TMPRSS9: variants seen among roughly 807,000 people sequenced by gnomAD.
The protein encoded by TMPRSS9 is transmembrane protease serine 9.
TMPRSS9 carries 113 observed loss-of-function variants against 111.4 expected under a neutral mutation model. That is an observed-to-expected ratio of 1.01 (90% CI 0.87 to 1.19). TMPRSS9 has a LOEUF of 1.19. Ranked by LOEUF, TMPRSS9 falls within the 50% of genes most tolerant of loss-of-function variation. TMPRSS9 has a pLI of 0.00. For missense variants in TMPRSS9, 1,803 were observed against 1,513.1 expected (o/e 1.19, Z -3.18); for synonymous variants, 805 against 659.1 (o/e 1.22, Z -3.39).
intron 14 of TMPRSS9, among the ~76,000 whole-genome samples, chr19:2,423,711 C>A (rs1424994936): frequency 2.0e-5 from 3 of 152,044 alleles, no homozygotes; most frequent in African/African-American, 7.2e-5. Flanking sequence ...ATCAGGGATC[C>A]AGGCAGAGGG....
chr19:2,389,101 G>T (rs956460592), upstream of TMPRSS9, among the ~76,000 whole-genome samples: 1 of 146,718 alleles, frequency 6.8e-6, no homozygotes, highest in Admixed American at 6.9e-5. Flanking sequence ...TTGAGATGGC[G>T]TCTTGCTCTG....
upstream of TMPRSS9, chr19:2,389,731 C>T (rs1040844863): frequency 1.1e-5 from 17 of 1,565,430 alleles, no homozygotes; most frequent in African/African-American, 8.1e-5. Flanking sequence ...CCTCTGACCC[C>T]GTGTTTCTGT....
Position 2,363,720 on chromosome 19 carries a change from G to C in TMPRSS9, c.-26+3360G>C, listed in dbSNP as rs543930174. Among the ~76,000 whole-genome samples, 5 of 151,728 alleles carry C rather than the reference G, an allele frequency of 3.3e-5. No individual in the cohort carries two copies. The East Asian group carries it at 7.8e-4, about 24-fold the overall frequency. On this transcript the variant is annotated intron_variant, in intron 1 of 17. Transcript: ENST00000649857. ...GGCTTAGCTGGGGAGCAGGGTTCTC[G>C]GGGAGCATAACAGGGAAGCTGCCCA...
chr19:2,393,811 T>C (rs1010611637), intron 1 of TMPRSS9, among the ~76,000 whole-genome samples: 1 of 147,196 alleles, frequency 6.8e-6, no homozygotes, highest in Admixed American at 7.0e-5. Flanking sequence ...GGTTGGAGAA[T>C]TGCTTGAACC....
chr19:2,368,946 G>A (rs1164825588), intron 1 of TMPRSS9, among the ~76,000 whole-genome samples: 2 of 143,042 alleles, frequency 1.4e-5, no homozygotes, highest in African/African-American at 2.5e-5. Context: ...CACCATGCCC[G>A]GCTAATTCTT....
At chr19:2,389,710 A>G, upstream of TMPRSS9, 9 of 1,513,514 alleles carry the variant, frequency 5.9e-6, no homozygotes, top group South Asian at 1.2e-5. Context: ...TGGGAAGAGA[A>G]GCACCTTCAG....
chr19:2,390,329 A>G (rs113652500), intron 1 of TMPRSS9, among the ~76,000 whole-genome samples: 7,000 of 123,144 alleles, frequency 0.057, 543 homozygotes, highest in African/African-American at 0.19. Context: ...TGCAAGCTCC[A>G]CCTCCCGGGT....
chr19:2,365,546 G>A (rs1351437434), intron 1 of TMPRSS9, among the ~76,000 whole-genome samples: 2 of 152,120 alleles, frequency 1.3e-5, no homozygotes, highest in African/African-American at 2.4e-5. Context: ...CCAAAGATGC[G>A]GAATCGAATG....
chr19:2,365,168 C>G (rs187464037), intron 1 of TMPRSS9, among the ~76,000 whole-genome samples: 83 of 152,146 alleles, frequency 5.5e-4, no homozygotes, highest in Non-Finnish European at 1.0e-3. Flanking sequence ...CTCTGGGTCC[C>G]TTAGTATCAC....
At chr19:2,422,381 C>T (rs1007122376) in intron 14 of TMPRSS9, 134 bp downstream of exon 15, 5 of 1,112,898 alleles carry the variant, frequency 4.5e-6, no homozygotes, top group Non-Finnish European at 6.0e-6. Context: ...AGATCGAGAC[C>T]ATCCTGGCGA....
At chr19:2,424,229 C>A in exon 15 of TMPRSS9, 1 of 1,419,832 alleles carries the variant, frequency 7.0e-7, no homozygotes, top group Non-Finnish European at 9.3e-7. Context: ...AGAGAGGTGG[C>A]TGCTGTCGGC....
At chr19:2,363,798 G>A (rs1302075167) in intron 1 of TMPRSS9, among the ~76,000 whole-genome samples, 1 of 142,432 alleles carries the variant, frequency 7.0e-6, no homozygotes, top group African/African-American at 2.7e-5. Context: ...GAGTGTGTGT[G>A]TGTGTGCGTG....
intron 13 of TMPRSS9, among the ~76,000 whole-genome samples, chr19:2,418,346 T>TCC (rs375110650): frequency 6.9e-5 from 2 of 29,130 alleles, no homozygotes; most frequent in East Asian, 1.7e-3. Context: ...CTTCCCTCCC[T>TCC]TTCCCTCCCT....
At chr19:2,395,691 G>C (rs1475402766) in intron 1 of TMPRSS9, among the ~76,000 whole-genome samples, 1 of 151,736 alleles carries the variant, frequency 6.6e-6, no homozygotes, top group Non-Finnish European at 1.5e-5. Context: ...CTCCAGTGTG[G>C]GCAACAAGAG....
At chr19:2,424,241 G>C (rs778208650) in exon 15 of TMPRSS9, 1 of 1,401,186 alleles carries the variant, frequency 7.1e-7, no homozygotes, top group Non-Finnish European at 9.4e-7. Flanking sequence ...GCTGTCGGCG[G>C]CGCACTGCTT....
At chr19:2,401,540 G>C (rs141248735) in intron 4 of TMPRSS9, among the ~76,000 whole-genome samples, 1 of 152,126 alleles carries the variant, frequency 6.6e-6, no homozygotes, top group African/African-American at 2.4e-5. Context: ...TTTAAGTGAC[G>C]CCAGGGTGGA....
intron 1 of TMPRSS9, among the ~76,000 whole-genome samples, chr19:2,372,209 G>A (rs903489731): frequency 2.6e-5 from 4 of 151,940 alleles, no homozygotes; most frequent in African/African-American, 4.8e-5. Flanking sequence ...GAGATCCCAC[G>A]TCCATTCTTC....
At chr19:2,392,385 C>T (rs1350465235) in intron 1 of TMPRSS9, among the ~76,000 whole-genome samples, 2 of 150,514 alleles carry the variant, frequency 1.3e-5, no homozygotes, top group Non-Finnish European at 2.9e-5. Flanking sequence ...AGAGTGACAC[C>T]CTGATAAAAA....
chr19:2,379,685 C>CTT (rs1413395977), intron 1 of TMPRSS9, among the ~76,000 whole-genome samples: 4 of 142,660 alleles, frequency 2.8e-5, no homozygotes, highest in African/African-American at 7.7e-5. Context: ...TTCTCTTTTT[C>CTT]TTTCTTTCCT....
Sources: allele counts gnomAD v4.1 joint callset (sites outside exome capture counted in the v4.1 genomes callset), GRCh38; gene constraint gnomAD v4.1.1; transcripts MANE v1.5; gene names NCBI Gene and HGNC (gene_info 2026-07-23, HGNC 2026-07-21).